The following RNLS variants were observed in gnomAD, a reference collection of about 807,000 sequenced individuals.
The protein encoded by RNLS is renalase.
A neutral mutation model predicts 39.8 loss-of-function variants in RNLS; 39 were observed. The ratio of observed to expected loss-of-function variants is 0.98; its 90% CI spans 0.76 to 1.28. The LOEUF (loss-of-function observed/expected upper bound fraction) is 1.28, where lower values mean the gene tolerates loss of function less well. Among genes scored for constraint, RNLS ranks in the 50% most tolerant of loss-of-function variants. The pLI, the probability that RNLS is intolerant of heterozygous loss-of-function variation, is 0.00. For missense variants in RNLS, 410 were observed against 413.3 expected (o/e 0.99, Z 0.07); for synonymous variants, 147 against 150.7 (o/e 0.98, Z 0.18).
At chr10:88,582,545 A>C (rs1445536179) in intron 1 of RNLS, among the ~76,000 whole-genome samples, 1 of 152,234 alleles carries the variant, frequency 6.6e-6, no homozygotes, top group African/African-American at 2.4e-5. Flanking sequence ...GATAAAACTA[A>C]AAATGATGAA....
intron 4 of RNLS, among the ~76,000 whole-genome samples, chr10:88,402,958 T>C (rs934385523): frequency 2.0e-5 from 3 of 152,056 alleles, no homozygotes; most frequent in Non-Finnish European, 4.4e-5. Context: ...TATCTCCTGA[T>C]AGAATAATAC....
intron 6 of RNLS, chr10:88,309,434 A>C: frequency 1.6e-6 from 2 of 1,289,840 alleles, no homozygotes; most frequent in South Asian, 2.5e-5. Context: ...GGGTGGTCTC[A>C]AGCTCTTCTG....
the RNLS span, among the ~76,000 whole-genome samples, chr10:88,186,121 T>A: frequency 6.6e-6 from 1 of 152,320 alleles, no homozygotes; most frequent in African/African-American, 2.4e-5. Context: ...TCTAGCTTAA[T>A]CAGCAAACAC....
Position 88,354,992 on chromosome 10 carries a change from C to T in RNLS, c.700+7560G>A, listed in dbSNP as rs182627988. 4.7e-4 allele frequency among the ~76,000 whole-genome samples: 71 copies of T among 152,304 alleles called. 1 individual carries two copies. In the East Asian group the frequency reaches 0.012, roughly 26 times the overall value. On this transcript the variant is annotated intron_variant, in intron 5 of 6. Transcript: ENST00000331772. Reference sequence around the variant, plus strand: ...TCATCCATCATTGATACCCTTTCTTCCAGTTGATTGAATCGGCTACTGAAG... The same window carrying T: ...TCATCCATCATTGATACCCTTTCTTTCAGTTGATTGAATCGGCTACTGAAG...
chr10:88,582,089 G>T, intron 2 of RNLS, 113 bp downstream of exon 2: 1 of 780,666 alleles, frequency 1.3e-6, no homozygotes, highest in South Asian at 2.2e-5. Context: ...CATAGCAATT[G>T]ATATTTATCG....
chr10:88,420,129 T>C (rs1854315193), intron 4 of RNLS, among the ~76,000 whole-genome samples: 1 of 151,908 alleles, frequency 6.6e-6, no homozygotes. Flanking sequence ...ATCTTGGCTC[T>C]ACCTAGATAT....
At chr10:88,535,643 T>C (rs544091169) in intron 4 of RNLS, among the ~76,000 whole-genome samples, 46 of 152,138 alleles carry the variant, frequency 3.0e-4, no homozygotes, top group South Asian at 1.2e-3. Context: ...TCATTACTGA[T>C]AAAATAAACA....
At chr10:88,563,437 G>A (rs1028135645) in intron 4 of RNLS, among the ~76,000 whole-genome samples, 5 of 152,060 alleles carry the variant, frequency 3.3e-5, no homozygotes, top group East Asian at 1.9e-4. Flanking sequence ...ATCAAAAGAC[G>A]AGAGCACTAC....
At chr10:88,257,400 G>C in the RNLS span, among the ~76,000 whole-genome samples, 2 of 152,082 alleles carry the variant, frequency 1.3e-5, no homozygotes, top group Non-Finnish European at 1.5e-5. Flanking sequence ...CACTATATTG[G>C]CTTTACTCCC....
the RNLS span, among the ~76,000 whole-genome samples, chr10:88,234,573 G>A: frequency 5.3e-5 from 8 of 152,320 alleles, no homozygotes; most frequent in African/African-American, 1.9e-4. Flanking sequence ...AAAGCTGGCT[G>A]AGGGCCTGGT....
intron 4 of RNLS, among the ~76,000 whole-genome samples, chr10:88,466,326 C>T (rs995646485): frequency 2.0e-5 from 3 of 152,070 alleles, no homozygotes; most frequent in African/African-American, 7.2e-5. Context: ...CTCACACCTG[C>T]AATCCCAGCA....
At chr10:88,295,290 T>C (rs1479704839) in intron 6 of RNLS, among the ~76,000 whole-genome samples, 1 of 152,160 alleles carries the variant, frequency 6.6e-6, no homozygotes, top group East Asian at 1.9e-4. Context: ...TCTTTGATAA[T>C]TGAATCTCTT....
intron 5 of RNLS, among the ~76,000 whole-genome samples, chr10:88,356,070 G>C (rs561508657): frequency 1.3e-5 from 2 of 152,200 alleles, no homozygotes; most frequent in Admixed American, 6.5e-5. Flanking sequence ...CATTGGAAAA[G>C]AGCAGTATTA....
At position 88,481,728 on chromosome 10, in the gene RNLS, GA is replaced by G. The variant is rs534605382; in HGVS notation, c.526+91174del. Among the ~76,000 whole-genome samples, 169 of 152,122 alleles carry G rather than the reference GA, an allele frequency of 1.1e-3. 1 individual carries two copies. Among genetic ancestry groups the G allele is most frequent in the Non-Finnish European group, 1.9e-3 (132 of 67,972 alleles). ...GTATTTTAAAGAAGTTACTATGTGA[GA>G]AAAAAATACAGAGCCTTTTATATTA... On this transcript the variant is annotated intron_variant, in intron 4 of 6. Transcript: ENST00000331772.
intron 4 of RNLS, among the ~76,000 whole-genome samples, chr10:88,499,197 A>G (rs1026634669): frequency 6.6e-6 from 1 of 152,166 alleles, no homozygotes; most frequent in African/African-American, 2.4e-5. Flanking sequence ...TAGACACTTC[A>G]CCACTCTACT....
chr10:88,507,689 A>T (rs1308042690), intron 4 of RNLS, among the ~76,000 whole-genome samples: 1 of 152,160 alleles, frequency 6.6e-6, no homozygotes, highest in East Asian at 1.9e-4. Context: ...ATACATTATA[A>T]TTTGATGTAC....
chr10:88,580,093 A>G (rs1412792554), intron 3 of RNLS, among the ~76,000 whole-genome samples: 6 of 152,138 alleles, frequency 3.9e-5, no homozygotes, highest in African/African-American at 1.4e-4. Flanking sequence ...CTAGAAGTAT[A>G]CCACCAGCTT....
intron 5 of RNLS, among the ~76,000 whole-genome samples, chr10:88,316,760 G>A (rs533715596): frequency 6.6e-5 from 10 of 152,200 alleles, no homozygotes; most frequent in Admixed American, 3.9e-4. Context: ...AATAGTTCTC[G>A]CATAACAATG....
At chr10:88,491,192 A>G in intron 4 of RNLS, among the ~76,000 whole-genome samples, 1 of 152,026 alleles carries the variant, frequency 6.6e-6, no homozygotes, top group East Asian at 1.9e-4. Context: ...AGCACCTCAC[A>G]CTCTAGGTTT....
Sources: allele counts gnomAD v4.1 joint callset (sites outside exome capture counted in the v4.1 genomes callset), GRCh38; gene constraint gnomAD v4.1.1; transcripts MANE v1.5; gene names NCBI Gene and HGNC (gene_info 2026-07-23, HGNC 2026-07-21).